COL22A1: variants seen among roughly 807,000 people sequenced by gnomAD.
The protein encoded by COL22A1 is collagen type XXII alpha 1 chain, also known as collagen alpha-1(XXII) chain.
In COL22A1, 221 loss-of-function variants were observed where a neutral mutation model predicts 248.9. That is an observed-to-expected ratio of 0.89 (90% CI 0.80 to 0.99). COL22A1 has a LOEUF of 0.99. COL22A1 is among the 50% of genes least tolerant of loss of function. COL22A1 has a pLI of 0.00. For missense variants in COL22A1, 2,240 were observed against 2,179.0 expected (o/e 1.03, Z -0.56); for synonymous variants, 891 against 793.4 (o/e 1.12, Z -2.07).
At chr8:138,656,838 C>T (rs1823312832) in intron 44 of COL22A1, among the ~76,000 whole-genome samples, 1 of 152,132 alleles carries the variant, frequency 6.6e-6, no homozygotes, top group African/African-American at 2.4e-5. Context: ...GCTGATTTCT[C>T]CTCATTAAGT....
chr8:138,744,088 C>A (rs912246601), intron 22 of COL22A1, among the ~76,000 whole-genome samples: 1 of 152,156 alleles, frequency 6.6e-6, no homozygotes, highest in Non-Finnish European at 1.5e-5. Flanking sequence ...CTGATATAAA[C>A]CCTGGCTTCA....
intron 3 of COL22A1, among the ~76,000 whole-genome samples, chr8:138,862,027 A>T (rs1214815248): frequency 1.4e-4 from 1 of 7,382 alleles, no homozygotes; most frequent in Non-Finnish European, 8.6e-4. Flanking sequence ...TGTCTCTACT[A>T]AAAAAAAAAA....
chr8:138,722,783 C>T (rs1382115977), intron 25 of COL22A1, among the ~76,000 whole-genome samples: 1 of 147,478 alleles, frequency 6.8e-6, no homozygotes, highest in Admixed American at 7.1e-5. Flanking sequence ...GCTCCTTCCA[C>T]TACACCAGAG....
intron 35 of COL22A1, among the ~76,000 whole-genome samples, chr8:138,692,258 G>GCGTGCGTGTATGCAGGTT (rs1564201694): frequency 3.6e-5 from 1 of 28,104 alleles, no homozygotes; most frequent in Admixed American, 3.5e-4. Flanking sequence ...GTATGTGTGC[G>GCGTGCGTGTATGCAGGTT]TGTGTGCATG....
intron 1 of COL22A1, among the ~76,000 whole-genome samples, chr8:138,903,897 G>C (rs1292042015): frequency 6.6e-6 from 1 of 152,128 alleles, no homozygotes; most frequent in Admixed American, 6.5e-5. Context: ...AGTTTGGGGG[G>C]CGCTGACGGC....
At chr8:138,790,937 C>G (rs1374027629) in intron 12 of COL22A1, among the ~76,000 whole-genome samples, 1 of 152,174 alleles carries the variant, frequency 6.6e-6, no homozygotes, top group East Asian at 1.9e-4. Flanking sequence ...GCCTAGCCCC[C>G]CAGCACCATG....
At chr8:138,787,311 G>A (rs1031412861) in intron 12 of COL22A1, among the ~76,000 whole-genome samples, 3 of 152,144 alleles carry the variant, frequency 2.0e-5, no homozygotes, top group Non-Finnish European at 4.4e-5. Flanking sequence ...GCAAAGAAGA[G>A]AGAGAAAGAG....
At chr8:138,773,059 A>G (rs1834522425) in intron 16 of COL22A1, among the ~76,000 whole-genome samples, 1 of 152,210 alleles carries the variant, frequency 6.6e-6, no homozygotes, top group Non-Finnish European at 1.5e-5. Context: ...ATATTCTTTA[A>G]AAAACAAACA....
At chr8:138,809,449 G>A (rs1319274422) in intron 9 of COL22A1, among the ~76,000 whole-genome samples, 1 of 152,128 alleles carries the variant, frequency 6.6e-6, no homozygotes, top group Non-Finnish European at 1.5e-5. Flanking sequence ...CCTAGGCATG[G>A]GGCTGGAACA....
intron 12 of COL22A1, among the ~76,000 whole-genome samples, chr8:138,781,310 A>C (rs1226594101): frequency 6.6e-6 from 1 of 152,076 alleles, no homozygotes; most frequent in Non-Finnish European, 1.5e-5. Flanking sequence ...GCTTGGTCTC[A>C]TATGTGTAAA....
intron 27 of COL22A1, 143 bp from the exon 28 acceptor site, chr8:138,717,012 A>G: frequency 4.4e-6 from 3 of 687,530 alleles, no homozygotes; most frequent in African/African-American, 1.8e-5. Context: ...TAGAGGCCCA[A>G]GAGTCATGGG....
At chr8:138,796,891 A>C in intron 11 of COL22A1, 34 bp from the exon 12 acceptor site, 2 of 1,435,232 alleles carry the variant, frequency 1.4e-6, no homozygotes, top group Non-Finnish European at 2.0e-6. Context: ...GATTCACTAC[A>C]GAGCATCTCC....
intron 3 of COL22A1, among the ~76,000 whole-genome samples, chr8:138,867,619 T>C (rs1376778627): frequency 6.6e-6 from 1 of 152,158 alleles, no homozygotes; most frequent in Admixed American, 6.5e-5. Flanking sequence ...CCCGCTGACA[T>C]GAGACCACAG....
intron 6 of COL22A1, among the ~76,000 whole-genome samples, chr8:138,823,557 C>A (rs1014774377): frequency 2.0e-5 from 3 of 152,142 alleles, no homozygotes; most frequent in Non-Finnish European, 4.4e-5. Context: ...AGGTGCGCAC[C>A]ACCATGCCCA....
intron 9 of COL22A1, among the ~76,000 whole-genome samples, chr8:138,809,619 C>T (rs1322882373): frequency 1.3e-5 from 2 of 150,424 alleles, no homozygotes; most frequent in Non-Finnish European, 3.0e-5. Context: ...CTCCCGGGTT[C>T]AAGAGATTCT....
chr8:138,717,195 T>C (rs1829509302), intron 27 of COL22A1, among the ~76,000 whole-genome samples: 1 of 152,184 alleles, frequency 6.6e-6, no homozygotes. Context: ...TCACTCAGGC[T>C]GGAGTGCAGT....
intron 21 of COL22A1, 89 bp from the exon 22 acceptor site, chr8:138,751,600 C>G (rs1832608429): frequency 1.1e-6 from 1 of 890,924 alleles, no homozygotes; most frequent in South Asian, 1.6e-5. Flanking sequence ...GAATCTCACC[C>G]TCATTGAATA....
chr8:138,652,122 GC>G (rs1305618395), intron 45 of COL22A1, among the ~76,000 whole-genome samples: 1 of 152,190 alleles, frequency 6.6e-6, no homozygotes, highest in East Asian at 1.9e-4. Flanking sequence ...GCTCCTGGGA[GC>G]CCCCCGAGTC....
intron 23 of COL22A1, among the ~76,000 whole-genome samples, chr8:138,731,838 T>A (rs1830732976): frequency 6.6e-6 from 1 of 152,194 alleles, no homozygotes; most frequent in African/African-American, 2.4e-5. Context: ...GCATCTTCCA[T>A]GGCCTTGGGG....
Sources: allele counts gnomAD v4.1 joint callset (sites outside exome capture counted in the v4.1 genomes callset), GRCh38; gene constraint gnomAD v4.1.1; transcripts MANE v1.5; gene names NCBI Gene and HGNC (gene_info 2026-07-23, HGNC 2026-07-21).